Variants in USP10 observed in about 807,000 individuals in gnomAD.
USP10 encodes the protein ubiquitin specific peptidase 10, also known as ubiquitin carboxyl-terminal hydrolase 10.
Under a neutral mutation model 84.5 loss-of-function variants are expected in USP10, and 22 were observed. The ratio of observed to expected loss-of-function variants is 0.26; its 90% CI spans 0.19 to 0.37. USP10 has a LOEUF of 0.37. USP10 is among the 10% of genes least tolerant of loss of function. The pLI, the probability that USP10 is intolerant of heterozygous loss-of-function variation, is 1.00. For missense variants in USP10, 1,019 were observed against 998.9 expected (o/e 1.02, Z -0.27); for synonymous variants, 454 against 387.6 (o/e 1.17, Z -2.01).
At chr16:84,711,235 T>C (rs1266726085) in intron 1 of USP10, among the ~76,000 whole-genome samples, 1 of 152,122 alleles carries the variant, frequency 6.6e-6, no homozygotes, top group African/African-American at 2.4e-5. Context: ...GATTTATAAG[T>C]TGCAAAAAAA....
chr16:84,764,701 G>A (rs1913623967), intron 10 of USP10, among the ~76,000 whole-genome samples: 1 of 151,924 alleles, frequency 6.6e-6, no homozygotes. Context: ...TGTGGTGACA[G>A]GCACCTGTAA....
intron 1 of USP10, among the ~76,000 whole-genome samples, chr16:84,715,877 C>T (rs148362474): frequency 1.5e-4 from 23 of 152,322 alleles, no homozygotes; most frequent in African/African-American, 4.8e-4. Flanking sequence ...GTTTCCCCCA[C>T]GATGGCGGAA....
At chr16:84,761,183 TAG>T (rs1217304266) in intron 8 of USP10, among the ~76,000 whole-genome samples, 1 of 152,000 alleles carries the variant, frequency 6.6e-6, no homozygotes, top group Non-Finnish European at 1.5e-5. Flanking sequence ...AGTTAATGAA[TAG>T]TCAACAAGAG....
chr16:84,704,480 T>C (rs935753197), intron 1 of USP10, among the ~76,000 whole-genome samples: 1 of 152,228 alleles, frequency 6.6e-6, no homozygotes, highest in African/African-American at 2.4e-5. Flanking sequence ...AGTGTAGATG[T>C]TCATTTCCAG....
At chr16:84,740,169 T>G in intron 2 of USP10, 140 bp from the exon 3 acceptor site, 1 of 642,256 alleles carries the variant, frequency 1.6e-6, no homozygotes, top group Non-Finnish European at 2.7e-6. Context: ...TGACTCTTCA[T>G]GTATGTTATT....
At chr16:84,751,178 G>T (rs1911888408) in intron 4 of USP10, among the ~76,000 whole-genome samples, 1 of 152,226 alleles carries the variant, frequency 6.6e-6, no homozygotes. Context: ...TGCTGTACGG[G>T]TTTGTAGCTT....
At chr16:84,763,976 A>C in intron 9 of USP10, 110 bp from the exon 10 acceptor site, 2 of 1,369,092 alleles carry the variant, frequency 1.5e-6, no homozygotes, top group Non-Finnish European at 2.0e-6. Context: ...CTCCTAATGT[A>C]GACCACACCC....
At chr16:84,703,610 A>G (rs559338345) in intron 1 of USP10, among the ~76,000 whole-genome samples, 11 of 152,368 alleles carry the variant, frequency 7.2e-5, no homozygotes, top group South Asian at 4.1e-4. Flanking sequence ...AGTAAATACA[A>G]TTGTTTGAAA....
intron 4 of USP10, among the ~76,000 whole-genome samples, chr16:84,756,923 A>C (rs1912608598): frequency 6.6e-6 from 1 of 152,180 alleles, no homozygotes; most frequent in Non-Finnish European, 1.5e-5. Context: ...CCTTGGAATA[A>C]AAGGGATTTT....
intron 10 of USP10, among the ~76,000 whole-genome samples, chr16:84,767,538 A>G (rs1036299179): frequency 3.9e-5 from 6 of 152,150 alleles, no homozygotes; most frequent in Admixed American, 3.9e-4. Context: ...GATTTCCTCT[A>G]TTTTATTAGA....
At chr16:84,740,913 T>C (rs912789428) in intron 3 of USP10, among the ~76,000 whole-genome samples, 1 of 152,252 alleles carries the variant, frequency 6.6e-6, no homozygotes, top group African/African-American at 2.4e-5. Context: ...ATGGTGCTTA[T>C]GGAGATGCAA....
In USP10 at chr16:84,775,936, G is replaced by A. The variant is rs565238825; in HGVS notation, c.2209+711G>A. Among the ~76,000 whole-genome samples, 26 of 151,864 alleles carry A rather than the reference G, an allele frequency of 1.7e-4. 1 individual carries two copies. In the South Asian group the frequency reaches 2.3e-3, roughly 13 times the overall value. The stretch of plus-strand genomic sequence containing the variant: ...CCTCTTTGGATTGTTGCTGTTTGCC[G>A]CACTTTTGTTTGCTTCCCAGGCTGT... On this transcript the variant is annotated intron_variant, in intron 13 of 13. Coordinates refer to ENST00000219473, the MANE Select transcript of USP10 (RefSeq NM_005153.3).
Position 84,720,971 on chromosome 16 carries a change from G to T in USP10, c.22-12464G>T, listed in dbSNP as rs529340064. Among the ~76,000 whole-genome samples the T allele has an allele frequency of 1.4e-4, 21 of 150,324 alleles. No individual in the cohort carries two copies. In the South Asian group the frequency reaches 1.9e-3, roughly 14 times the overall value. On this transcript the variant is annotated intron_variant, in intron 1 of 13. Coordinates refer to ENST00000219473, the MANE Select transcript of USP10 (RefSeq NM_005153.3). Reference sequence around the variant, plus strand: ...TGCAGTGGCGCGATCTCAGCTCACGGCAACCTCCGCCTGCCGTATTCAAGC... The same window carrying T: ...TGCAGTGGCGCGATCTCAGCTCACGTCAACCTCCGCCTGCCGTATTCAAGC...
At chr16:84,769,034 C>A (rs1177130303) in intron 11 of USP10, among the ~76,000 whole-genome samples, 1 of 152,172 alleles carries the variant, frequency 6.6e-6, no homozygotes, top group African/African-American at 2.4e-5. Context: ...TTGTACTCTG[C>A]AGCAGAGAGT....
chr16:84,759,766 C>A, intron 6 of USP10, 125 bp from the exon 7 acceptor site: 1 of 988,472 alleles, frequency 1.0e-6, no homozygotes, highest in Non-Finnish European at 1.6e-6. Flanking sequence ...CTAGCTGTTA[C>A]AGCATTGGTT....
intron 10 of USP10, among the ~76,000 whole-genome samples, chr16:84,767,514 T>C (rs960583598): frequency 5.3e-5 from 8 of 152,204 alleles, no homozygotes; most frequent in African/African-American, 1.7e-4. Context: ...TTAAAAATCC[T>C]CTATTTACCT....
chr16:84,732,537 C>T (rs1909374396), intron 1 of USP10: 2 of 374,120 alleles, frequency 5.3e-6, no homozygotes, highest in Non-Finnish European at 1.1e-5. Flanking sequence ...ACCTCGGCCT[C>T]CCTGGTTCAA....
At chr16:84,775,690 C>T (rs1221510339) in intron 13 of USP10, among the ~76,000 whole-genome samples, 2 of 152,188 alleles carry the variant, frequency 1.3e-5, no homozygotes, top group Non-Finnish European at 1.5e-5. Context: ...TACACAAGCT[C>T]CTCGGCTGCC....
At chr16:84,772,392 C>T (rs1914546599) in intron 11 of USP10, 149 bp from the exon 12 acceptor site, 8 of 1,067,586 alleles carry the variant, frequency 7.5e-6, no homozygotes, top group Non-Finnish European at 1.1e-5. Context: ...GATCTCAGAG[C>T]TTCTGTGGGG....
Sources: allele counts gnomAD v4.1 joint callset (sites outside exome capture counted in the v4.1 genomes callset), GRCh38; gene constraint gnomAD v4.1.1; transcripts MANE v1.5; gene names NCBI Gene and HGNC (gene_info 2026-07-23, HGNC 2026-07-21).